The following MRTFB variants were observed in gnomAD, a reference collection of about 807,000 sequenced individuals.
MRTFB encodes myocardin related transcription factor B, also known as myocardin-related transcription factor B.
A neutral mutation model predicts 104.2 loss-of-function variants in MRTFB; 29 were observed. The ratio of observed to expected loss-of-function variants is 0.28; its 90% confidence interval spans 0.21 to 0.38. The LOEUF is 0.38. MRTFB is among the 10% of genes least tolerant of loss of function. The pLI is 1.00. For synonymous variants in MRTFB, 535 were observed against 519.5 expected (o/e 1.03, Z -0.41); for missense variants, 1,270 against 1,341.6 (o/e 0.95, Z 0.83).
rs768387830 is a variant in MRTFB at position 14,252,478 on chromosome 16, C to G, written c.2679C>G (p.Arg893=). ...PRYEEAIKQT[R]STQAPLPEIS... Reference sequence around the variant, plus strand: ...ATGAGGAGGCCATCAAGCAGACACGCAGCACACAGGCCCCTCTGCCAGAGG... The same window carrying G: ...ATGAGGAGGCCATCAAGCAGACACGGAGCACACAGGCCCCTCTGCCAGAGG... Residue 893 remains arginine, a synonymous_variant, in exon 15 of 17, where the codon CGC becomes CGG. Transcript: ENST00000571589. 2 of 1,614,024 alleles carry G rather than the reference C, an allele frequency of 1.2e-6. No homozygotes were observed. The highest frequency in any genetic ancestry group is 2.2e-5 in the South Asian group (2 of 91,070).
chr16:14,096,317 C>T (rs921365968), intron 2 of MRTFB, among the ~76,000 whole-genome samples: 5 of 152,090 alleles, frequency 3.3e-5, no homozygotes, highest in African/African-American at 9.7e-5. Flanking sequence ...AAGTGATCTG[C>T]CTGCTTCGGC....
intron 3 of MRTFB, among the ~76,000 whole-genome samples, chr16:14,162,610 C>T (rs1363459596): frequency 6.6e-6 from 1 of 152,142 alleles, no homozygotes; most frequent in East Asian, 1.9e-4. Flanking sequence ...TAAGATTGGG[C>T]AAAGGCAGCT....
At chr16:14,002,119 A>G in the MRTFB span, among the ~76,000 whole-genome samples, 5 of 152,244 alleles carry the variant, frequency 3.3e-5, no homozygotes, top group Admixed American at 1.3e-4. Flanking sequence ...ATGGTGGCTC[A>G]TACCTGTAAT....
At chr16:14,154,898 G>A (rs1430758893) in intron 3 of MRTFB, among the ~76,000 whole-genome samples, 1 of 152,174 alleles carries the variant, frequency 6.6e-6, no homozygotes, top group Non-Finnish European at 1.5e-5. Flanking sequence ...GAAGTCTTCT[G>A]GCAAGACAGA....
chr16:14,221,549 C>T (rs1208694251), intron 8 of MRTFB, among the ~76,000 whole-genome samples: 1 of 152,166 alleles, frequency 6.6e-6, no homozygotes, highest in Non-Finnish European at 1.5e-5. Context: ...ACCATCATAC[C>T]ACTGCCACAA....
intron 2 of MRTFB, among the ~76,000 whole-genome samples, chr16:14,081,727 A>T (rs546649401): frequency 2.4e-4 from 37 of 152,102 alleles, no homozygotes; most frequent in African/African-American, 8.0e-4. Flanking sequence ...CCACAGGCAC[A>T]TGCCACCACA....
intron 8 of MRTFB, among the ~76,000 whole-genome samples, chr16:14,224,431 G>A (rs1482623493): frequency 6.6e-6 from 1 of 152,096 alleles, no homozygotes; most frequent in Non-Finnish European, 1.5e-5. Flanking sequence ...TACTACACCT[G>A]TATAGAGCAG....
intron 8 of MRTFB, among the ~76,000 whole-genome samples, chr16:14,221,036 A>C (rs1468558230): frequency 6.6e-6 from 1 of 152,234 alleles, no homozygotes; most frequent in African/African-American, 2.4e-5. Flanking sequence ...GTAATTAAAG[A>C]AGCATGTCCA....
At chr16:14,082,639 G>A (rs2034476472) in intron 2 of MRTFB, among the ~76,000 whole-genome samples, 1 of 152,082 alleles carries the variant, frequency 6.6e-6, no homozygotes, top group Non-Finnish European at 1.5e-5. Context: ...AATTAGCCAG[G>A]TGTGGTCATT....
chr16:14,215,681 G>C (rs143540934), intron 6 of MRTFB, among the ~76,000 whole-genome samples: 8 of 152,302 alleles, frequency 5.3e-5, no homozygotes, highest in Admixed American at 2.0e-4. Context: ...CATCTTGTAT[G>C]GTTAGAAGTG....
At chr16:14,066,156 T>C in the MRTFB span, among the ~76,000 whole-genome samples, 3 of 152,182 alleles carry the variant, frequency 2.0e-5, no homozygotes, top group African/African-American at 7.2e-5. Context: ...CAAACCCCAC[T>C]ATAGGACTTT....
At chr16:14,024,274 A>G in the MRTFB span, among the ~76,000 whole-genome samples, 1 of 152,230 alleles carries the variant, frequency 6.6e-6, no homozygotes, top group East Asian at 1.9e-4. Flanking sequence ...GCTTATGATT[A>G]ACTTTTCATT....
chr16:14,258,183 A>C (rs2043593357), intron 16 of MRTFB, 22 bp downstream of exon 16: 1 of 1,607,776 alleles, frequency 6.2e-7, no homozygotes, highest in Non-Finnish European at 8.5e-7. Context: ...GTCACATCAG[A>C]TCCTCCCAGG....
intron 3 of MRTFB, among the ~76,000 whole-genome samples, chr16:14,202,734 CAA>C (rs2040763933): frequency 6.6e-6 from 1 of 152,164 alleles, no homozygotes; most frequent in African/African-American, 2.4e-5. Context: ...CCTTTCAGTA[CAA>C]TTGTTTTCAA....
At chr16:14,199,195 ACT>A (rs1302337914) in intron 3 of MRTFB, among the ~76,000 whole-genome samples, 8 of 151,378 alleles carry the variant, frequency 5.3e-5, no homozygotes, top group Admixed American at 5.3e-4. Flanking sequence ...TCCTTTAAAA[ACT>A]CTTACACACA....
rs1250183978 is a variant in MRTFB, at chr16:14,231,676, C to A, written c.694-2470C>A. Among the ~76,000 whole-genome samples the A allele has an allele frequency of 3.9e-5, 6 of 152,190 alleles. No individual in the cohort carries two copies. In the South Asian group the frequency reaches 6.2e-4, roughly 16 times the overall value. On this transcript the variant is annotated intron_variant, in intron 8 of 16. Coordinates refer to ENST00000571589, the MANE Select transcript of MRTFB (RefSeq NM_001308142.2). ...GCATTCGTTCACTACTGTAATGGCC[C>A]CCAGCTCCAGGCCTGGATACTCTTT... is the stretch of plus-strand genomic sequence containing the variant.
chr16:14,023,600 C>T, the MRTFB span, among the ~76,000 whole-genome samples: 505 of 89,606 alleles, frequency 5.6e-3, 5 homozygotes, highest in African/African-American at 0.024. Context: ...CACACACACA[C>T]ACACACACAC....
In MRTFB at chr16:14,240,449, C is replaced by T. The variant is rs753084839; in HGVS notation, c.1044C>T (p.His348=). ...QLQILSQQKQ[H]YNYQTILPAP... The stretch of plus-strand genomic sequence containing the variant: ...AGATCCTGAGTCAGCAGAAGCAGCA[C>T]TACAACTACCAGACCATCCTGCCTG... Residue 348 remains histidine (H), a synonymous_variant, in exon 10 of 17, where the codon CAC becomes CAT. Coordinates refer to ENST00000571589, the MANE Select transcript of MRTFB (RefSeq NM_001308142.2). 8 of 1,614,126 alleles carry T rather than the reference C, an allele frequency of 5.0e-6. No homozygotes were observed. Among genetic ancestry groups the T allele is most frequent in the African/African-American group, 1.3e-5 (1 of 74,946 alleles).
chr16:14,183,060 T>A (rs1432812264), intron 3 of MRTFB, among the ~76,000 whole-genome samples: 1 of 152,192 alleles, frequency 6.6e-6, no homozygotes, highest in Non-Finnish European at 1.5e-5. Flanking sequence ...TCCCACAGAA[T>A]AATTATATAC....
Sources: allele counts gnomAD v4.1 joint callset (sites outside exome capture counted in the v4.1 genomes callset), GRCh38; gene constraint gnomAD v4.1.1; transcripts MANE v1.5; gene names NCBI Gene and HGNC (gene_info 2026-07-23, HGNC 2026-07-21).